The following ATR variants were observed in gnomAD, a reference collection of about 807,000 sequenced individuals.
The protein encoded by ATR is ATR checkpoint kinase, also known as serine/threonine-protein kinase ATR.
In ATR, 142 loss-of-function variants were observed where a neutral mutation model predicts 305.3. The ratio of observed to expected loss-of-function variants is 0.47; its 90% CI spans 0.41 to 0.53. ATR has a LOEUF of 0.53. ATR is among the 20% of genes least tolerant of loss of function. ATR has a pLI of 0.00. For synonymous variants in ATR, 1,050 were observed against 1,068.1 expected (o/e 0.98, Z 0.33); for missense variants, 2,135 against 3,133.1 (o/e 0.68, Z 7.60).
At position 142,512,415 on chromosome 3, in the gene ATR, G is replaced by T. The variant is rs2032624728; in HGVS notation, c.4697C>A (p.Thr1566Asn). Residue 1566 changes from threonine to asparagine, a missense_variant, in exon 27 of 47, where the codon ACC becomes AAC. By Grantham distance (65) the Thr-to-Asn change is moderately conservative. Around this residue, in one of 9 missense-constraint regions of ATR, gnomAD observed 202 missense variants for 252.9 expected, o/e 0.80. Coordinates refer to ENST00000350721, the MANE Select transcript of ATR (RefSeq NM_001184.4). ...LKHDDQHTIN[T>N]QDIASDLCQL... Reference sequence around the variant, plus strand: ...ACACAGATCAGATGCAATGTCTTGGGTATTTATGGTATGCTGATCGTCATG... The same window carrying T: ...ACACAGATCAGATGCAATGTCTTGGTTATTTATGGTATGCTGATCGTCATG... The T allele has an allele frequency of 6.2e-7, 1 of 1,613,794 alleles. No homozygotes were observed. Among genetic ancestry groups the T allele is most frequent in the Non-Finnish European group, 8.5e-7 (1 of 1,179,826 alleles).
chr3:142,475,103 A>G (rs2071402542), intron 36 of ATR, among the ~76,000 whole-genome samples: 1 of 152,032 alleles, frequency 6.6e-6, no homozygotes, highest in Non-Finnish European at 1.5e-5. Flanking sequence ...TTATATATAT[A>G]TGTTTTTAAT....
intron 1 of ATR, among the ~76,000 whole-genome samples, chr3:142,572,535 G>A (rs2035308944): frequency 6.6e-6 from 1 of 151,998 alleles, no homozygotes; most frequent in South Asian, 2.1e-4. Flanking sequence ...TGCTTTGGGA[G>A]TCCAAGGTGG....
intron 16 of ATR, among the ~76,000 whole-genome samples, chr3:142,543,376 T>TTTCC (rs201842838): frequency 0.011 from 1,627 of 149,012 alleles, 18 homozygotes; most frequent in Non-Finnish European, 0.017. Flanking sequence ...CCGTCCCTCT[T>TTTCC]TTCCTCCCTC....
chr3:142,542,576 C>A (rs2034091944), intron 17 of ATR, 89 bp downstream of exon 17: 5 of 1,191,680 alleles, frequency 4.2e-6, no homozygotes, highest in Non-Finnish European at 6.1e-6. Context: ...TTGGTTATTT[C>A]TCATCTTTGA....
intron 15 of ATR, among the ~76,000 whole-genome samples, chr3:142,548,623 C>A (rs1359460757): frequency 1.3e-5 from 2 of 150,128 alleles, no homozygotes; most frequent in Non-Finnish European, 3.0e-5. Context: ...GAGCCGAGAT[C>A]GTGCCACTGC....
rs531900270 is a variant in ATR, at chr3:142,495,660, C to G, written c.5898+701G>C. The stretch of plus-strand genomic sequence containing the variant: ...TCAGGAGGCTGAGGCAGGAGAATCA[C>G]TTGAACTCGGGAGGCAGAGGTTGTA... On this transcript the variant is annotated intron_variant, in intron 34 of 46. Transcript: ENST00000350721. Among the ~76,000 whole-genome samples the G allele has an allele frequency of 2.4e-4, 37 of 152,264 alleles. 1 individual carries two copies. The highest frequency in any genetic ancestry group is 7.7e-4 in the African/African-American group (32 of 41,562).
intron 36 of ATR, among the ~76,000 whole-genome samples, chr3:142,479,038 T>C (rs1402180917): frequency 2.0e-5 from 3 of 152,214 alleles, no homozygotes; most frequent in Non-Finnish European, 4.4e-5. Flanking sequence ...CTTGACTCTA[T>C]CCAATTTGCC....
rs1386365987 is a variant in ATR at position 142,556,096 on chromosome 3, C to A, written c.2122G>T (p.Ala708Ser). The change falls in exon 10 of 47, where the codon GCT becomes TCT. Residue 708 changes from alanine (A) to serine (S), a missense_variant. By Grantham distance (99) the Ala-to-Ser change is moderately conservative. This residue lies in a region of ATR where 744 missense variants were observed against 873.2 expected (regional missense o/e 0.85). Transcript: ENST00000350721. ...DDSDIVKKEF[A>S]SILGQLVCTL... ...CAGACAAGTTGACCAAGTATAGAAG[C>A]AAATTCTTTCTTGACAATGTCAGAA... The A allele has an allele frequency of 6.8e-6, 11 of 1,613,032 alleles. No individual in the cohort carries two copies. The highest frequency in any genetic ancestry group is 8.5e-6 in the Non-Finnish European group (10 of 1,179,714).
At chr3:142,549,786 C>A in intron 14 of ATR, 113 bp from the exon 15 acceptor site, 1 of 938,772 alleles carries the variant, frequency 1.1e-6, no homozygotes, top group Admixed American at 2.3e-5. Flanking sequence ...GGAGTCCACT[C>A]CATACTATAA....
chr3:142,578,382 C>A (rs1454680672), intron 1 of ATR, among the ~76,000 whole-genome samples: 1 of 152,208 alleles, frequency 6.6e-6, no homozygotes, highest in Non-Finnish European at 1.5e-5. Context: ...AACTCTCGAT[C>A]GGGGTGAGTG....
At position 142,562,380 on chromosome 3, in the gene ATR, A is replaced by G; in HGVS notation, c.1022T>C (p.Leu341Ser). The G allele has an allele frequency of 1.2e-6, 2 of 1,614,170 alleles. No individual in the cohort carries two copies. Among genetic ancestry groups the G allele is most frequent in the Non-Finnish European group, 1.7e-6 (2 of 1,180,008 alleles). The change falls in exon 4 of 47, where the codon TTG (leucine) becomes TCG (serine). Residue 341 changes from leucine to serine, a missense_variant. Around this residue, in one of 9 missense-constraint regions of ATR, gnomAD observed 744 missense variants for 873.2 expected, o/e 0.85. Coordinates refer to ENST00000350721, the MANE Select transcript of ATR (RefSeq NM_001184.4). ...DGVLMRLKSD[L>S]LKAALCHLLQ... ...TAAATGGCACAAAGCTGCTTTTAGCAAATCAGACTTAAGCCGCATGAGCAC... is the reference window on the plus strand; with the variant it reads ...TAAATGGCACAAAGCTGCTTTTAGCGAATCAGACTTAAGCCGCATGAGCAC...
At chr3:142,481,132 C>T (rs759767595) in intron 36 of ATR, among the ~76,000 whole-genome samples, 21 of 152,214 alleles carry the variant, frequency 1.4e-4, no homozygotes, top group Non-Finnish European at 2.4e-4. Context: ...GAGATGAACC[C>T]GGTACCTCAG....
chr3:142,478,117 C>A (rs528597630), intron 36 of ATR, among the ~76,000 whole-genome samples: 20 of 152,258 alleles, frequency 1.3e-4, no homozygotes, highest in African/African-American at 4.8e-4. Flanking sequence ...TAAGTTATTT[C>A]TTGCCTTCTG....
At chr3:142,560,954 T>A (rs6440089) in intron 5 of ATR, among the ~76,000 whole-genome samples, 3 of 152,046 alleles carry the variant, frequency 2.0e-5, no homozygotes, top group African/African-American at 4.8e-5. Flanking sequence ...AGTTGGTTAA[T>A]GTTTTAAAAA....
chr3:142,499,951 G>A (rs1346276574), intron 30 of ATR: 5 of 421,972 alleles, frequency 1.2e-5, no homozygotes, highest in Non-Finnish European at 2.1e-5. Context: ...CATTTAAAAT[G>A]ACATTCTTCA....
At chr3:142,576,344 T>C (rs752255276) in intron 1 of ATR, among the ~76,000 whole-genome samples, 7 of 152,250 alleles carry the variant, frequency 4.6e-5, no homozygotes, top group Non-Finnish European at 1.0e-4. Context: ...AGCAACCTAA[T>C]ATATATCTCC....
chr3:142,451,693 C>T (rs1391599024), intron 46 of ATR: 1 of 1,191,468 alleles, frequency 8.4e-7, no homozygotes, highest in Non-Finnish European at 1.1e-6. Context: ...GATCCTCCCA[C>T]CTCAGCCTCC....
chr3:142,499,822 G>T, intron 30 of ATR, 104 bp from the exon 31 acceptor site: 1 of 913,016 alleles, frequency 1.1e-6, no homozygotes, highest in South Asian at 1.5e-5. Context: ...TATTGAATTT[G>T]CATTATATTG....
intron 46 of ATR, chr3:142,452,686 C>T: frequency 9.8e-7 from 1 of 1,020,600 alleles, no homozygotes; most frequent in Non-Finnish European, 1.2e-6. Flanking sequence ...AAACAACAAC[C>T]ACCACCACCA....
Sources: allele counts gnomAD v4.1 joint callset (sites outside exome capture counted in the v4.1 genomes callset), GRCh38; gene constraint gnomAD v4.1.1; regional missense constraint gnomAD v4.1.1; transcripts MANE v1.5; gene names NCBI Gene and HGNC (gene_info 2026-07-23, HGNC 2026-07-21).